Variants in NRXN3 observed in about 807,000 individuals in gnomAD.
NRXN3 encodes the protein neurexin III.
NRXN3 carries 32 observed loss-of-function variants against 137.6 expected under a neutral mutation model. That is an observed-to-expected ratio of 0.23 (90% CI 0.18 to 0.31). NRXN3 has a LOEUF of 0.31. NRXN3 is among the 10% of genes least tolerant of loss of function. The pLI is 1.00. For synonymous variants in NRXN3, 798 were observed against 784.5 expected (o/e 1.02, Z -0.29); for missense variants, 1,574 against 2,062.5 (o/e 0.76, Z 4.59).
chr14:79,171,038 C>T (rs2061727806), intron 15 of NRXN3, among the ~76,000 whole-genome samples: 1 of 152,036 alleles, frequency 6.6e-6, no homozygotes, highest in Admixed American at 6.6e-5. Flanking sequence ...CCTTTAAACA[C>T]ATAGACTCCT....
chr14:78,353,673 T>C (rs1334876903), intron 4 of NRXN3, among the ~76,000 whole-genome samples: 2 of 152,156 alleles, frequency 1.3e-5, no homozygotes, highest in Admixed American at 1.3e-4. Context: ...CTTCCTCTGG[T>C]GGCTTGAAGA....
chr14:79,173,337 C>T (rs1243940290), intron 15 of NRXN3, among the ~76,000 whole-genome samples: 1 of 151,832 alleles, frequency 6.6e-6, no homozygotes, highest in Non-Finnish European at 1.5e-5. Context: ...GGAGACCAGC[C>T]TGGGCGACAT....
At chr14:78,759,070 C>T (rs2098681580) in intron 8 of NRXN3, among the ~76,000 whole-genome samples, 1 of 152,210 alleles carries the variant, frequency 6.6e-6, no homozygotes, top group Admixed American at 6.5e-5. Flanking sequence ...CTCATCCTGA[C>T]TTCACCCACA....
Position 79,783,191 on chromosome 14 carries a change from G to A in NRXN3, c.4015-21921G>A, listed in dbSNP as rs151174693. Among the ~76,000 whole-genome samples, 88 of 152,266 alleles carry A rather than the reference G, an allele frequency of 5.8e-4. 1 individual carries two copies. In the East Asian group the frequency reaches 0.014, roughly 24 times the overall value. On this transcript the variant is annotated intron_variant, in intron 19 of 20. Coordinates refer to ENST00000335750, the MANE Select transcript of NRXN3 (RefSeq NM_001330195.2). ...TGGCCCTCTGTGGATAGCTTGGCAT[G>A]TGTCTTGTTCTATTTAAACAGCACT...
chr14:79,502,803 C>T (rs971910425), intron 16 of NRXN3, among the ~76,000 whole-genome samples: 5 of 152,140 alleles, frequency 3.3e-5, no homozygotes, highest in Middle Eastern at 3.4e-3. Context: ...TAACATCCTT[C>T]TCACCTTTCT....
intron 10 of NRXN3, among the ~76,000 whole-genome samples, chr14:78,898,641 T>C (rs187862553): frequency 1.3e-5 from 2 of 151,494 alleles, no homozygotes; most frequent in Admixed American, 6.6e-5. Context: ...CATAGATTCA[T>C]AGTATTTTCC....
At chr14:78,236,727 A>AC (rs2066353087) in intron 1 of NRXN3, among the ~76,000 whole-genome samples, 1 of 55,050 alleles carries the variant, frequency 1.8e-5, no homozygotes, top group Non-Finnish European at 3.1e-5. Flanking sequence ...GATAGGTATT[A>AC]TTCCCCCCCC....
intron 10 of NRXN3, among the ~76,000 whole-genome samples, chr14:78,924,990 A>G (rs924780549): frequency 1.3e-5 from 2 of 152,216 alleles, no homozygotes; most frequent in African/African-American, 4.8e-5. Context: ...AACCTCTGGC[A>G]CATCTTCATC....
At chr14:78,582,243 T>A (rs1000839807) in intron 4 of NRXN3, among the ~76,000 whole-genome samples, 1 of 152,220 alleles carries the variant, frequency 6.6e-6, no homozygotes, top group African/African-American at 2.4e-5. Flanking sequence ...CTTGCATTTT[T>A]AAAAGCATGT....
At chr14:78,859,641 C>G (rs1368407531) in intron 10 of NRXN3, among the ~76,000 whole-genome samples, 1 of 152,036 alleles carries the variant, frequency 6.6e-6, no homozygotes, top group East Asian at 1.9e-4. Flanking sequence ...ATTGGTATGT[C>G]TACCCAAGAA....
chr14:79,251,845 G>T (rs1377527738), intron 15 of NRXN3, among the ~76,000 whole-genome samples: 3 of 149,428 alleles, frequency 2.0e-5, no homozygotes, highest in Non-Finnish European at 4.4e-5. Context: ...TTTTTTCAGG[G>T]TCTTGCTCTG....
chr14:79,042,044 A>G (rs1019145087), intron 15 of NRXN3, among the ~76,000 whole-genome samples: 1 of 152,218 alleles, frequency 6.6e-6, no homozygotes. Context: ...ATGCCTAGCA[A>G]GAGGAAACCA....
At chr14:79,836,448 G>T (rs1197348323) in intron 20 of NRXN3, among the ~76,000 whole-genome samples, 1 of 105,850 alleles carries the variant, frequency 9.4e-6, no homozygotes, top group Admixed American at 1.1e-4. Flanking sequence ...TCATGAGAAA[G>T]TTCCATCCAC....
chr14:78,602,296 A>T (rs2097208827), intron 4 of NRXN3: 2 of 105,270 alleles, frequency 1.9e-5, no homozygotes, highest in Non-Finnish European at 3.7e-5. Flanking sequence ...TTTAAATTCC[A>T]AGGAACTCTA....
intron 16 of NRXN3, among the ~76,000 whole-genome samples, chr14:79,500,128 A>G (rs578226655): frequency 1.4e-4 from 21 of 151,720 alleles, no homozygotes; most frequent in African/African-American, 4.8e-4. Flanking sequence ...TGTTTATGGG[A>G]AGTCACTTTA....
intron 4 of NRXN3, among the ~76,000 whole-genome samples, chr14:78,417,393 CACAA>C: frequency 6.6e-6 from 1 of 152,278 alleles, no homozygotes; most frequent in South Asian, 2.1e-4. Flanking sequence ...GAAGATGCAC[CACAA>C]ACATGCCCCC....
At chr14:79,445,640 A>G (rs2096051738) in intron 15 of NRXN3, among the ~76,000 whole-genome samples, 1 of 152,224 alleles carries the variant, frequency 6.6e-6, no homozygotes, top group Non-Finnish European at 1.5e-5. Context: ...AGGCTCATTG[A>G]TAAGAAGAGG....
intron 15 of NRXN3, among the ~76,000 whole-genome samples, chr14:79,368,013 A>T (rs2093958977): frequency 6.6e-6 from 1 of 152,238 alleles, no homozygotes; most frequent in Admixed American, 6.5e-5. Flanking sequence ...GAACGTTTTC[A>T]TCTTTACATT....
intron 15 of NRXN3, among the ~76,000 whole-genome samples, chr14:79,154,093 TAC>T (rs909626966): frequency 5.3e-5 from 8 of 152,094 alleles, no homozygotes; most frequent in African/African-American, 1.9e-4. Flanking sequence ...ACTTTTACTT[TAC>T]TTAATTTTCT....
Sources: allele counts gnomAD v4.1 joint callset (sites outside exome capture counted in the v4.1 genomes callset), GRCh38; gene constraint gnomAD v4.1.1; transcripts MANE v1.5; gene names NCBI Gene and HGNC (gene_info 2026-07-23, HGNC 2026-07-21).